The following BCAT1 variants were observed in gnomAD, a reference collection of about 807,000 sequenced individuals.
BCAT1 encodes the protein branched chain amino acid transaminase 1.
BCAT1 carries 48 observed loss-of-function variants against 52.4 expected under a neutral mutation model. That is an observed-to-expected ratio of 0.92 (90% CI 0.73 to 1.16). The LOEUF is 1.16. Ranked by LOEUF, BCAT1 falls within the 50% of genes most tolerant of loss-of-function variation. The pLI is 0.00. For missense variants in BCAT1, 451 were observed against 457.1 expected (o/e 0.99, Z 0.12); for synonymous variants, 167 against 161.3 (o/e 1.04, Z -0.27).
chr12:24,943,447 T>C (rs1033274662), intron 1 of BCAT1, among the ~76,000 whole-genome samples: 3 of 131,068 alleles, frequency 2.3e-5, no homozygotes, highest in Non-Finnish European at 4.7e-5. Context: ...GAGCCATGAT[T>C]GTACCACTGC....
intron 1 of BCAT1, among the ~76,000 whole-genome samples, chr12:24,938,794 T>G (rs1943806087): frequency 6.6e-6 from 1 of 152,148 alleles, no homozygotes; most frequent in African/African-American, 2.4e-5. Flanking sequence ...CTGACTTGTC[T>G]TTTCCACATA....
At chr12:24,947,013 T>C (rs1943941430) in intron 1 of BCAT1, among the ~76,000 whole-genome samples, 1 of 152,060 alleles carries the variant, frequency 6.6e-6, no homozygotes, top group African/African-American at 2.4e-5. Context: ...ATTCTTTTCC[T>C]CCCCAACCCC....
At chr12:24,882,785 G>C (rs1388021350) in intron 3 of BCAT1, among the ~76,000 whole-genome samples, 2 of 151,758 alleles carry the variant, frequency 1.3e-5, no homozygotes, top group Non-Finnish European at 2.9e-5. Context: ...ATTTTTTGTA[G>C]AGACGAGGTT....
chr12:24,898,683 T>C (rs1320182801), intron 2 of BCAT1, among the ~76,000 whole-genome samples: 1 of 151,960 alleles, frequency 6.6e-6, no homozygotes, highest in Non-Finnish European at 1.5e-5. Context: ...ACCTGGCTAA[T>C]TTTTGTATTT....
rs139868227 is a variant in BCAT1, at chr12:24,846,385, C to T, written c.674+3401G>A. 1.3e-4 allele frequency among the ~76,000 whole-genome samples: 20 copies of T among 152,178 alleles called. No individual in the cohort carries two copies. The South Asian group carries it at 1.7e-3, about 13-fold the overall frequency. ...TACCATGGTAATATAGTTGGGTTCCCGCCCATGTGCTGCCAATATTCATAA... is the reference window on the plus strand; with the variant it reads ...TACCATGGTAATATAGTTGGGTTCCTGCCCATGTGCTGCCAATATTCATAA... On this transcript the variant is annotated intron_variant, in intron 6 of 10. Transcript: ENST00000261192.
At chr12:24,929,007 C>T (rs185136253) in intron 1 of BCAT1, among the ~76,000 whole-genome samples, 4 of 152,044 alleles carry the variant, frequency 2.6e-5, no homozygotes, top group Non-Finnish European at 4.4e-5. Context: ...ATGATCTGCC[C>T]GCCTCGGCCT....
chr12:24,845,787 T>C (rs902891311), intron 6 of BCAT1, among the ~76,000 whole-genome samples: 1 of 152,228 alleles, frequency 6.6e-6, no homozygotes, highest in East Asian at 1.9e-4. Flanking sequence ...TGGGGTGTGG[T>C]GGCTCATGCC....
intron 2 of BCAT1, among the ~76,000 whole-genome samples, chr12:24,896,171 A>T (rs756945366): frequency 2.6e-5 from 4 of 152,170 alleles, no homozygotes; most frequent in Non-Finnish European, 4.4e-5. Flanking sequence ...CCACTATTTA[A>T]TTCAAGTAAA....
At chr12:24,901,525 G>A (rs1326005266) in intron 2 of BCAT1, among the ~76,000 whole-genome samples, 3 of 152,156 alleles carry the variant, frequency 2.0e-5, no homozygotes. Flanking sequence ...ACGTATTATG[G>A]AATCTGATAA....
intron 6 of BCAT1, among the ~76,000 whole-genome samples, chr12:24,848,044 A>G (rs1941396802): frequency 6.6e-6 from 1 of 152,170 alleles, no homozygotes; most frequent in Non-Finnish European, 1.5e-5. Context: ...TGATAGGCAT[A>G]TAGGTTAAAT....
chr12:24,873,730 A>T (rs1942248519), intron 5 of BCAT1, among the ~76,000 whole-genome samples: 1 of 152,172 alleles, frequency 6.6e-6, no homozygotes. Flanking sequence ...AAATGCTCCA[A>T]TGAGCATTTT....
chr12:24,867,784 C>A (rs148720395), intron 5 of BCAT1, among the ~76,000 whole-genome samples: 3,529 of 152,270 alleles, frequency 0.023, 114 homozygotes, highest in African/African-American at 0.081. Context: ...TGGGGCAGAT[C>A]ACCTGAGGTC....
At chr12:24,887,539 T>C (rs1292966534) in intron 3 of BCAT1, among the ~76,000 whole-genome samples, 2 of 152,202 alleles carry the variant, frequency 1.3e-5, no homozygotes, top group Admixed American at 6.5e-5. Flanking sequence ...AGAAAGGTTA[T>C]CACAAAAGTA....
At chr12:24,822,264 A>C (rs1940171463) in intron 10 of BCAT1, among the ~76,000 whole-genome samples, 1 of 152,226 alleles carries the variant, frequency 6.6e-6, no homozygotes, top group Non-Finnish European at 1.5e-5. Flanking sequence ...AGTTATGTGG[A>C]CAATTAGCTA....
rs943428736 is a variant in BCAT1, at chr12:24,816,179, C to T, written c.*1829G>A. ...TTTTACTATCCCTGTCTATAAAAGA[C>T]CCTATGGCTAAAAGTTTTGGAAAAG... On this transcript the variant is annotated 3_prime_UTR_variant, in exon 11 of 11. Coordinates refer to ENST00000261192, the MANE Select transcript of BCAT1 (RefSeq NM_005504.7). 2 of 235,272 alleles carry T rather than the reference C, an allele frequency of 8.5e-6. No homozygotes were observed. The highest frequency in any genetic ancestry group is 1.6e-5 in the Non-Finnish European group (2 of 123,390). The allele number at this position is 235,272 out of a possible 1,614,324, so 14.6% of individuals were successfully genotyped here. A position where few individuals can be genotyped will look rare whatever the true frequency, so the allele number is the denominator to read the frequency against.
At chr12:24,827,205 G>T (rs1288934260) in intron 10 of BCAT1, among the ~76,000 whole-genome samples, 1 of 151,936 alleles carries the variant, frequency 6.6e-6, no homozygotes, top group East Asian at 1.9e-4. Context: ...AGCCAGTTAT[G>T]TATTTTTTGT....
At chr12:24,846,678 CTTTGAA>C (rs1165839849) in intron 6 of BCAT1, among the ~76,000 whole-genome samples, 6 of 152,204 alleles carry the variant, frequency 3.9e-5, no homozygotes, top group Non-Finnish European at 8.8e-5. Flanking sequence ...TAATTTAAAA[CTTTGAA>C]ATGCTCTAAA....
At chr12:24,939,943 A>T (rs1200808534) in intron 1 of BCAT1, among the ~76,000 whole-genome samples, 3 of 152,184 alleles carry the variant, frequency 2.0e-5, no homozygotes, top group South Asian at 2.1e-4. Flanking sequence ...AAAGGCTTCA[A>T]TTTTTTTCAT....
intron 3 of BCAT1, among the ~76,000 whole-genome samples, chr12:24,883,473 T>C (rs1225479335): frequency 6.6e-6 from 1 of 152,088 alleles, no homozygotes; most frequent in Admixed American, 6.6e-5. Context: ...AGATGGCTCA[T>C]TCCTGTAGTT....
Sources: gnomAD v4.1 joint callset for allele counts (sites outside exome capture counted in the v4.1 genomes callset) on GRCh38, gnomAD v4.1.1 for gene constraint, MANE v1.5 for transcripts, NCBI Gene and HGNC (gene_info 2026-07-23, HGNC 2026-07-21) for gene names.